ZNF84: variants seen among roughly 807,000 people sequenced by gnomAD.
ZNF84 encodes zinc finger protein HPF2.
A neutral mutation model predicts 14.8 loss-of-function variants in ZNF84; 12 were observed. The ratio of observed to expected loss-of-function variants is 0.81; its 90% confidence interval spans 0.52 to 1.31. The LOEUF is 1.31. ZNF84 is among the 50% of genes most tolerant of loss of function. The pLI is 0.00. For synonymous variants in ZNF84, 347 were observed against 291.1 expected, an observed-to-expected ratio of 1.19 and a Z score of -1.96; for missense variants, 859 against 878.6, an observed-to-expected ratio of 0.98 and a Z score of 0.28.
chr12:133,048,069 C>G lies in ZNF84; in HGVS notation c.130C>G (p.Leu44Val), dbSNP rs1168577956. ...KDVMLENYSS[L>V]VSLGYEVMKP... ...TGTGATGTTGGAGAACTATAGCAGC[C>G]TAGTGTCACTGGGTAATAAAAGCTT... Residue 44 changes from leucine (L) to valine (V), a missense_variant, in exon 3 of 5, where the codon CTA becomes GTA. Coordinates refer to ENST00000539354, the MANE Select transcript of ZNF84 (RefSeq NM_001289971.2). The G allele has an allele frequency of 6.2e-6, 10 of 1,613,586 alleles. No individual in the cohort carries two copies. The highest frequency in any genetic ancestry group is 8.5e-6 in the Non-Finnish European group (10 of 1,179,682).
Position 133,062,736 on chromosome 12 carries a change from T to G in ZNF84, c.*3804T>G. 1 of 231,432 alleles carries G rather than the reference T, an allele frequency of 4.3e-6. No homozygotes were observed. The highest frequency in any genetic ancestry group is 9.2e-5 in the South Asian group (1 of 10,882). 14.3% of individuals were successfully genotyped at this position (231,432 alleles called of 1,614,324 possible). The stretch of plus-strand genomic sequence containing the variant: ...TTATTGTGGACTTAAAGTGTAACAT[T>G]CTCCTTATGGTATGTAAGGACTTTT... On this transcript the variant is annotated 3_prime_UTR_variant, in exon 5 of 5. Coordinates refer to ENST00000539354, the MANE Select transcript of ZNF84 (RefSeq NM_001289971.2).
chr12:133,063,180 C>G lies in ZNF84; in HGVS notation c.*4248C>G, dbSNP rs935866539. On this transcript the variant is annotated 3_prime_UTR_variant, in exon 5 of 5. Coordinates refer to ENST00000539354, the MANE Select transcript of ZNF84 (RefSeq NM_001289971.2). ...ATCAAGAAAGAGTCCCGATTGTGTTCCAGTACCTGGTTCTTCTGGTCTTCA... is the reference window on the plus strand; with the variant it reads ...ATCAAGAAAGAGTCCCGATTGTGTTGCAGTACCTGGTTCTTCTGGTCTTCA... 1 of 702,202 alleles carries G rather than the reference C, an allele frequency of 1.4e-6. No individual in the cohort carries two copies. The highest frequency in any genetic ancestry group is 2.6e-6 in the Non-Finnish European group (1 of 384,842). 43.5% of individuals were successfully genotyped at this position (702,202 alleles called of 1,614,324 possible).
At chr12:133,051,139 G>A (rs1311569404) in intron 4 of ZNF84, among the ~76,000 whole-genome samples, 5 of 141,758 alleles carry the variant, frequency 3.5e-5, no homozygotes, top group Non-Finnish European at 7.7e-5. Context: ...ATGTGGTAAG[G>A]CAGATTTGTA....
In ZNF84 at chr12:133,057,593, G is replaced by A. The variant is rs1954182857; in HGVS notation, c.878G>A (p.Cys293Tyr). 1 of 1,614,090 alleles carries A rather than the reference G, an allele frequency of 6.2e-7. No individual in the cohort carries two copies. The change falls in exon 5 of 5, where the codon TGT becomes TAT. Residue 293 changes from cysteine (C) to tyrosine (Y), a missense_variant. Coordinates refer to ENST00000539354, the MANE Select transcript of ZNF84 (RefSeq NM_001289971.2). ...RTHTGEKPYE[C>Y]GECGKAFSRK... is the part of the protein sequence containing the mutation. ...CATACAGGAGAGAAACCTTATGAGT[G>A]TGGTGAATGTGGGAAAGCCTTCTCC...
intron 2 of ZNF84, 150 bp downstream of exon 2, chr12:133,041,632 T>C: frequency 1.3e-6 from 1 of 751,712 alleles, no homozygotes; most frequent in Non-Finnish European, 2.3e-6. Context: ...CACAGTGATA[T>C]ATTAACTACT....
At chr12:133,053,832 T>C (rs1445133977) in intron 4 of ZNF84, among the ~76,000 whole-genome samples, 2 of 152,184 alleles carry the variant, frequency 1.3e-5, no homozygotes, top group Non-Finnish European at 2.9e-5. Context: ...AACACCATAA[T>C]CTACCAAATT....
rs1261761605 is a variant in ZNF84 at position 133,062,179 on chromosome 12, AT to A, written c.*3249del. The A allele has an allele frequency of 3.3e-5, 5 of 152,128 alleles. No individual in the cohort carries two copies. Among genetic ancestry groups the A allele is most frequent in the African/African-American group, 9.7e-5 (4 of 41,430 alleles). 9.4% of individuals were successfully genotyped at this position (152,128 alleles called of 1,614,324 possible). ...CACAGTTCTACAAAGGACAATTGAC[AT>A]TGTTTTCCTTTTACTAAGTAGTGGG... On this transcript the variant is annotated 3_prime_UTR_variant, in exon 5 of 5. Coordinates refer to ENST00000539354, the MANE Select transcript of ZNF84 (RefSeq NM_001289971.2).
intron 2 of ZNF84, 102 bp from the exon 3 acceptor site, chr12:133,047,843 GTAGGCATTTT>G: frequency 1.7e-6 from 2 of 1,183,346 alleles, no homozygotes; most frequent in Non-Finnish European, 2.4e-6. Flanking sequence ...TAGAGACATA[GTAGGCATTTT>G]GTATAACTTG....
chr12:133,062,770 C>A lies in ZNF84; in HGVS notation c.*3838C>A, dbSNP rs879103791. 2 of 323,964 alleles carry A rather than the reference C, an allele frequency of 6.2e-6. No homozygotes were observed. The highest frequency in any genetic ancestry group is 5.0e-5 in the South Asian group (1 of 20,162). The allele number at this position is 323,964 out of a possible 1,614,324, so 20.1% of individuals were successfully genotyped here. On this transcript the variant is annotated 3_prime_UTR_variant, in exon 5 of 5. Coordinates refer to ENST00000539354, the MANE Select transcript of ZNF84 (RefSeq NM_001289971.2). ...GGTATGTAAGGACTTTTGTATAAAC[C>A]AATGCCTATCTATCTATCATTTCTG...
At chr12:133,051,041 C>T (rs1042633647) in intron 4 of ZNF84, among the ~76,000 whole-genome samples, 1 of 151,994 alleles carries the variant, frequency 6.6e-6, no homozygotes, top group African/African-American at 2.4e-5. Flanking sequence ...CTTGCTTCAG[C>T]CTCCTGAGTA....
At chr12:133,039,278 G>A (rs1953844673) in intron 1 of ZNF84, among the ~76,000 whole-genome samples, 1 of 152,196 alleles carries the variant, frequency 6.6e-6, no homozygotes, top group African/African-American at 2.4e-5. Flanking sequence ...CTGCTTGTTA[G>A]TGTGATACAG....
chr12:133,053,253 TAGGAAAA>T (rs1954100569), intron 4 of ZNF84, among the ~76,000 whole-genome samples: 1 of 151,994 alleles, frequency 6.6e-6, no homozygotes, highest in Non-Finnish European at 1.5e-5. Context: ...ATTTTTCTAA[TAGGAAAA>T]AAAGTAAAGA....
intron 4 of ZNF84, among the ~76,000 whole-genome samples, chr12:133,055,667 A>G (rs1217808240): frequency 6.6e-6 from 1 of 152,238 alleles, no homozygotes; most frequent in African/African-American, 2.4e-5. Flanking sequence ...GTTTAATATG[A>G]TACAATATTA....
chr12:133,063,048 C>T lies in ZNF84; in HGVS notation c.*4116C>T. 1.4e-6 allele frequency: 1 copy of T among 694,944 alleles called. No homozygotes were observed. Among genetic ancestry groups the T allele is most frequent in the East Asian group, 2.7e-5 (1 of 37,150 alleles). The allele number at this position is 694,944 out of a possible 1,614,324, so 43.0% of individuals were successfully genotyped here. A position where few individuals can be genotyped will look rare whatever the true frequency, so the allele number is the denominator to read the frequency against. On this transcript the variant is annotated 3_prime_UTR_variant, in exon 5 of 5. Coordinates refer to ENST00000539354, the MANE Select transcript of ZNF84 (RefSeq NM_001289971.2). ...ATCTTTTTTGTCTGTGTAATTTTTG[C>T]ATCACAAGCTATATTTAAATGTGGG...
rs111462429 is a variant in ZNF84, at chr12:133,041,415, C to T, written c.-53C>T. 8.6e-4 allele frequency: 1,382 copies of T among 1,601,686 alleles called. 10 individuals are homozygous for T. In the African/African-American group the frequency reaches 0.016, roughly 19 times the overall value. On this transcript the variant is annotated 5_prime_UTR_variant, in exon 2 of 5. In the 5' UTR this introduces an upstream ATG that the reference lacks. Transcript: ENST00000539354. ...AGTTTTGGGGCAGAAGCAGAAGAGA[C>T]GCACAGTAGAACCGATCTCAGCCTT...
intron 2 of ZNF84, among the ~76,000 whole-genome samples, chr12:133,044,433 G>A (rs1292589037): frequency 2.6e-5 from 4 of 151,888 alleles, no homozygotes; most frequent in Non-Finnish European, 5.9e-5. Flanking sequence ...GAAATTATAG[G>A]CATGAGCCAG....
chr12:133,041,225 A>G (rs933578259), intron 1 of ZNF84, 53 bp from the exon 2 acceptor site: 6 of 488,748 alleles, frequency 1.2e-5, no homozygotes, highest in Non-Finnish European at 2.2e-5. Context: ...CAAGAGAGAA[A>G]GAGATTTCAT....
intron 1 of ZNF84, among the ~76,000 whole-genome samples, chr12:133,038,723 A>G (rs1469586030): frequency 2.0e-5 from 3 of 152,210 alleles, no homozygotes; most frequent in African/African-American, 7.2e-5. Context: ...ATCGAATTAT[A>G]AATTTCTTTA....
chr12:133,047,263 C>A (rs898369211), intron 2 of ZNF84, among the ~76,000 whole-genome samples: 1 of 151,802 alleles, frequency 6.6e-6, no homozygotes, highest in Non-Finnish European at 1.5e-5. Flanking sequence ...TTTTTTTAAC[C>A]CCTACAGGTA....
Sources: gnomAD v4.1 joint callset for allele counts (sites outside exome capture counted in the v4.1 genomes callset) on GRCh38, gnomAD v4.1.1 for gene constraint, MANE v1.5 for transcripts, NCBI Gene and HGNC (gene_info 2026-07-23, HGNC 2026-07-21) for gene names.